The following KCNJ16 variants were observed in gnomAD, a reference collection of about 807,000 sequenced individuals.
The protein encoded by KCNJ16 is potassium inwardly rectifying channel subfamily J member 16.
In KCNJ16, 15 loss-of-function variants were observed where a neutral mutation model predicts 18.5. That is an observed-to-expected ratio of 0.81 (90% CI 0.54 to 1.25). KCNJ16 has a LOEUF of 1.25. KCNJ16 is among the 50% of genes most tolerant of loss of function. The pLI is 0.00. For missense variants in KCNJ16, 523 were observed against 525.7 expected (o/e 0.99, Z 0.05); for synonymous variants, 174 against 186.5 (o/e 0.93, Z 0.55).
chr17:70,086,941 C>T (rs2071823173), intron 1 of KCNJ16, among the ~76,000 whole-genome samples: 1 of 152,122 alleles, frequency 6.6e-6, no homozygotes, highest in South Asian at 2.1e-4. Context: ...CTCTGTCACC[C>T]AGGCTGGAGT....
chr17:70,097,201 A>G (rs539053733), intron 1 of KCNJ16, among the ~76,000 whole-genome samples: 6 of 152,214 alleles, frequency 3.9e-5, no homozygotes, highest in Non-Finnish European at 7.4e-5. Context: ...TCACTGCATT[A>G]CGGGGATCCA....
chr17:70,131,702 GA>G (rs976776718), intron 3 of KCNJ16, among the ~76,000 whole-genome samples: 3 of 152,106 alleles, frequency 2.0e-5, no homozygotes, highest in African/African-American at 4.8e-5. Flanking sequence ...AAATAAAGCA[GA>G]TTTTTTTTTA....
At chr17:70,125,044 T>C (rs1297458594) in intron 2 of KCNJ16, among the ~76,000 whole-genome samples, 1 of 152,034 alleles carries the variant, frequency 6.6e-6, no homozygotes, top group Admixed American at 6.6e-5. Flanking sequence ...GGCTGGAGGA[T>C]TGCTTGAGGT....
chr17:70,101,402 A>T (rs555507018), intron 2 of KCNJ16: 1 of 152,204 alleles, frequency 6.6e-6, no homozygotes, highest in Non-Finnish European at 1.5e-5. Flanking sequence ...TATGAAAACT[A>T]TATGTATATA....
Position 70,133,138 on chromosome 17 carries a change from C to T in KCNJ16, c.1051C>T (p.Leu351Phe). 6.2e-7 allele frequency: 1 copy of T among 1,614,170 alleles called. No individual in the cohort carries two copies. Among genetic ancestry groups the T allele is most frequent in the Non-Finnish European group, 8.5e-7 (1 of 1,180,034 alleles). ...AKQLDWKDQQ[L>F]HIEKAPPVRE... ...GCAATTGGACTGGAAAGACCAGCAG[C>T]TCCACATAGAAAAAGCACCACCAGT... The change falls in exon 4 of 4, where the codon CTC (leucine) becomes TTC (phenylalanine). Residue 351 changes from leucine to phenylalanine, a missense_variant. Leu to Phe is a conservative substitution (Grantham distance 22). Transcript: ENST00000392671.
chr17:70,098,692 C>T lies in KCNJ16; in HGVS notation c.-299-1966C>T, dbSNP rs535931536. On this transcript the variant is annotated intron_variant, in intron 1 of 3. Transcript: ENST00000392671. ...TCATCGAAGATTAATTTTTTTCTGA[C>T]TCAAATATTAGAAGCTAGAAGCTTT... 1.5e-3 allele frequency among the ~76,000 whole-genome samples: 229 copies of T among 152,156 alleles called. 1 individual carries two copies. Among genetic ancestry groups the T allele is most frequent in the Admixed American group, 4.3e-3 (65 of 15,276 alleles).
chr17:70,080,482 T>G (rs1041755925), intron 1 of KCNJ16, among the ~76,000 whole-genome samples: 1 of 152,154 alleles, frequency 6.6e-6, no homozygotes. Flanking sequence ...CCGTGGAATA[T>G]TTTGAGCTCG....
chr17:70,127,894 T>G (rs2073909363), intron 2 of KCNJ16, among the ~76,000 whole-genome samples: 1 of 152,160 alleles, frequency 6.6e-6, no homozygotes. Flanking sequence ...CTGAAGAAAT[T>G]TTAGACCTTT....
chr17:70,115,105 A>G (rs1199623057), intron 2 of KCNJ16, among the ~76,000 whole-genome samples: 2 of 152,160 alleles, frequency 1.3e-5, no homozygotes, highest in African/African-American at 4.8e-5. Flanking sequence ...ATGTATCAGA[A>G]TCTAGGTCTC....
rs2073918208 is a variant in KCNJ16 at position 70,128,105 on chromosome 17, T to C, written c.-190-2774T>C. 2.0e-5 allele frequency: 3 copies of C among 152,180 alleles called. No individual in the cohort carries two copies. In the South Asian group the frequency reaches 6.2e-4, roughly 31 times the overall value. 9.4% of individuals were successfully genotyped at this position (152,180 alleles called of 1,614,324 possible). The stretch of plus-strand genomic sequence containing the variant: ...CTGAATTTGAGAGGAGGTGGCAAAA[T>C]GGCAGAGGAATTGCTTCAAAATGGA... On this transcript the variant is annotated intron_variant, in intron 2 of 3. Coordinates refer to ENST00000392671, the MANE Select transcript of KCNJ16 (RefSeq NM_170741.4).
In KCNJ16 at chr17:70,132,544, C is replaced by A. The variant is rs144298856; in HGVS notation, c.457C>A (p.Gln153Lys). ...TGTGGCCGTGCTCATGGTGATCCTCCAGTCCATCTTAAGTTGCATCATAAA... is the reference window on the plus strand; with the variant it reads ...TGTGGCCGTGCTCATGGTGATCCTCAAGTCCATCTTAAGTTGCATCATAAA... ...CSVAVLMVIL[Q>K]SILSCIINTF... is the part of the protein sequence containing the mutation. Residue 153 changes from glutamine to lysine, a missense_variant, in exon 4 of 4, where the codon CAG becomes AAG. Gln to Lys is a moderately conservative substitution (Grantham distance 53). Transcript: ENST00000392671. 1.9e-6 allele frequency: 3 copies of A among 1,614,058 alleles called. No individual in the cohort carries two copies. Among genetic ancestry groups the A allele is most frequent in the Non-Finnish European group, 2.5e-6 (3 of 1,180,026 alleles).
At chr17:70,122,177 T>TA (rs1053827396) in intron 2 of KCNJ16, among the ~76,000 whole-genome samples, 2 of 84,894 alleles carry the variant, frequency 2.4e-5, no homozygotes, top group African/African-American at 9.5e-5. Flanking sequence ...TATCGGATAC[T>TA]TTTTTTTTTT....
chr17:70,091,774 C>G (rs2080735987), intron 1 of KCNJ16, among the ~76,000 whole-genome samples: 1 of 152,132 alleles, frequency 6.6e-6, no homozygotes, highest in Non-Finnish European at 1.5e-5. Flanking sequence ...GAATACATAC[C>G]CTTGAATCAT....
intron 2 of KCNJ16, among the ~76,000 whole-genome samples, chr17:70,108,027 A>T (rs2073011196): frequency 6.6e-6 from 1 of 152,146 alleles, no homozygotes; most frequent in Non-Finnish European, 1.5e-5. Context: ...ACAGACATTA[A>T]ATCTACATCC....
Position 70,132,290 on chromosome 17 carries a change from C to T in KCNJ16, c.203C>T (p.Thr68Ile), listed in dbSNP as rs753613141. The T allele has an allele frequency of 1.2e-6, 2 of 1,614,170 alleles. No homozygotes were observed. The highest frequency in any genetic ancestry group is 1.7e-6 in the Non-Finnish European group (2 of 1,179,998). Residue 68 changes from threonine (T) to isoleucine (I), a missense_variant, in exon 4 of 4, where the codon ACC becomes ATC. Physicochemically the swap from Thr to Ile is moderately conservative, Grantham distance 89. Transcript: ENST00000392671. ...GACATCTTCACCACTCTTGTGGACA[C>T]CAAGTGGCGCCATATGTTTGTGATA... The part of the protein sequence containing the change: ...VVDIFTTLVD[T>I]KWRHMFVIFS...
At chr17:70,109,759 T>C (rs2073102249) in intron 2 of KCNJ16, among the ~76,000 whole-genome samples, 1 of 152,214 alleles carries the variant, frequency 6.6e-6, no homozygotes, top group Non-Finnish European at 1.5e-5. Context: ...GGCCACTACA[T>C]TGCCTTTGAA....
At chr17:70,125,273 G>GA (rs111228932) in intron 2 of KCNJ16, among the ~76,000 whole-genome samples, 8,387 of 126,534 alleles carry the variant, frequency 0.066, 727 homozygotes, top group African/African-American at 0.21. Context: ...CTGTTTCAAA[G>GA]AAAAAAAAAA....
intron 2 of KCNJ16, among the ~76,000 whole-genome samples, chr17:70,110,955 G>C (rs932598452): frequency 6.6e-6 from 1 of 152,132 alleles, no homozygotes; most frequent in Non-Finnish European, 1.5e-5. Flanking sequence ...GTGTCCCCCA[G>C]TGTGTATATC....
chr17:70,123,305 G>A (rs2073722727), intron 2 of KCNJ16, among the ~76,000 whole-genome samples: 1 of 152,294 alleles, frequency 6.6e-6, no homozygotes, highest in African/African-American at 2.4e-5. Context: ...TCAAATATAA[G>A]AAGATAGAAT....
Sources: allele counts gnomAD v4.1 joint callset (sites outside exome capture counted in the v4.1 genomes callset), GRCh38; gene constraint gnomAD v4.1.1; transcripts MANE v1.5; gene names NCBI Gene and HGNC (gene_info 2026-07-23, HGNC 2026-07-21).